PRRX1: variants seen among roughly 807,000 people sequenced by gnomAD.
PRRX1 encodes the protein paired mesoderm homeobox protein 1.
In PRRX1, 8 loss-of-function variants were observed where a neutral mutation model predicts 24.0. The observed-to-expected ratio is 0.33, with a 90% CI of 0.20 to 0.60. PRRX1 has a LOEUF of 0.60. Ranked by LOEUF, PRRX1 falls within the 20% of genes least tolerant of loss-of-function variation. PRRX1 has a pLI of 0.82. For synonymous variants in PRRX1, 160 were observed against 131.7 expected, an observed-to-expected ratio of 1.22 and a Z score of -1.47; for missense variants, 281 against 322.4, an observed-to-expected ratio of 0.87 and a Z score of 0.98.
At chr1:170,696,210 G>A (rs1211062705) in intron 1 of PRRX1, among the ~76,000 whole-genome samples, 1 of 151,458 alleles carries the variant, frequency 6.6e-6, no homozygotes, top group Non-Finnish European at 1.5e-5. Context: ...TGCTTGTCTA[G>A]GTCTATTTGT....
At chr1:170,689,893 C>CGTGT (rs770375970) in intron 1 of PRRX1, among the ~76,000 whole-genome samples, 21 of 121,268 alleles carry the variant, frequency 1.7e-4, no homozygotes, top group African/African-American at 5.8e-4. Context: ...TGTGTGTGTG[C>CGTGT]GTGTGTGTGT....
At chr1:170,703,804 C>T (rs1654473451) in intron 1 of PRRX1, among the ~76,000 whole-genome samples, 1 of 152,176 alleles carries the variant, frequency 6.6e-6, no homozygotes, top group Non-Finnish European at 1.5e-5. Flanking sequence ...GCTCTGTCTT[C>T]TAATTAATGT....
intron 3 of PRRX1, chr1:170,727,161 C>T (rs970528030): frequency 6.6e-6 from 1 of 152,014 alleles, no homozygotes; most frequent in Non-Finnish European, 1.5e-5. Context: ...ATAATTTACA[C>T]TAAACTTTTA....
At position 170,735,972 on chromosome 1, in the gene PRRX1, CCATCTGGGG is replaced by C. The variant is rs529999419; in HGVS notation, c.600-73_600-65del. On this transcript the variant is annotated intron_variant, in intron 3 of 3. Transcript: ENST00000239461. ...GCCTGCCCCCATGCTGAGAGTACAT[CCATCTGGGG>C]CACAGACTTGCAGCTTTGTGAAACT... 3.5e-5 allele frequency: 56 copies of C among 1,584,788 alleles called. No individual in the cohort carries two copies. In the East Asian group the frequency reaches 7.2e-4, roughly 20 times the overall value.
intron 1 of PRRX1, among the ~76,000 whole-genome samples, chr1:170,669,796 C>T (rs962620899): frequency 6.6e-6 from 1 of 152,080 alleles, no homozygotes; most frequent in Non-Finnish European, 1.5e-5. Flanking sequence ...GTTCCAAGGC[C>T]GAGCTCACTT....
At chr1:170,666,058 C>T (rs1012291604) in intron 1 of PRRX1, among the ~76,000 whole-genome samples, 1 of 152,228 alleles carries the variant, frequency 6.6e-6, no homozygotes, top group African/African-American at 2.4e-5. Flanking sequence ...ACTCTTAGTT[C>T]TAACAAAATG....
intron 3 of PRRX1, among the ~76,000 whole-genome samples, chr1:170,730,863 G>A (rs1486947026): frequency 6.6e-6 from 1 of 152,072 alleles, no homozygotes; most frequent in African/African-American, 2.4e-5. Context: ...GGGGTGTTTG[G>A]AACCTATCGA....
Position 170,726,413 on chromosome 1 carries a change from GC to G in PRRX1, c.599+15del, listed in dbSNP as rs751560586. The G allele has an allele frequency of 2.5e-6, 4 of 1,612,810 alleles. No homozygotes were observed. The highest frequency in any genetic ancestry group is 1.7e-6 in the Non-Finnish European group (2 of 1,178,896). ...GCGTCTCCGTACAGGTGAATGACTG[GC>G]CCACTCTCCCTTGCTCCACTTCCAC... On this transcript the variant is annotated intron_variant, in intron 3 of 3. Coordinates refer to ENST00000239461, the MANE Select transcript of PRRX1 (RefSeq NM_022716.4).
chr1:170,717,609 T>TC (rs1464928814), intron 1 of PRRX1, among the ~76,000 whole-genome samples: 53 of 139,614 alleles, frequency 3.8e-4, no homozygotes, highest in Middle Eastern at 7.4e-3. Flanking sequence ...AGGATTTTTC[T>TC]TTTTTTTTTT....
chr1:170,726,742 G>A (rs1441778599), intron 3 of PRRX1: 6 of 210,216 alleles, frequency 2.9e-5, no homozygotes, highest in Non-Finnish European at 5.7e-5. Flanking sequence ...ACTTTACCCT[G>A]TTTCCAAATT....
intron 1 of PRRX1, among the ~76,000 whole-genome samples, chr1:170,674,235 C>T (rs953701849): frequency 2.5e-4 from 38 of 150,614 alleles, no homozygotes; most frequent in East Asian, 5.8e-4. Context: ...CGCTTGCGCA[C>T]GCACGCACAC....
intron 3 of PRRX1, among the ~76,000 whole-genome samples, chr1:170,733,030 A>G (rs967273052): frequency 6.6e-6 from 1 of 152,156 alleles, no homozygotes. Flanking sequence ...CCTGTGTAAT[A>G]GATGATCTGA....
intron 3 of PRRX1, among the ~76,000 whole-genome samples, chr1:170,729,436 C>A (rs192607613): frequency 6.7e-6 from 1 of 148,940 alleles, no homozygotes; most frequent in African/African-American, 2.4e-5. Context: ...AGGAGAAAAC[C>A]AAGGCATAAA....
At chr1:170,730,495 A>T (rs1234931211) in intron 3 of PRRX1, 3 of 665,674 alleles carry the variant, frequency 4.5e-6, no homozygotes. Flanking sequence ...CCAGAGCTGC[A>T]AGAAAGCATG....
chr1:170,670,083 A>G (rs1653097375), intron 1 of PRRX1, among the ~76,000 whole-genome samples: 1 of 152,170 alleles, frequency 6.6e-6, no homozygotes, highest in African/African-American at 2.4e-5. Flanking sequence ...AATTACAGGC[A>G]ATGTTTGGAT....
At position 170,726,257 on chromosome 1, in the gene PRRX1, A is replaced by G; in HGVS notation, c.455A>G (p.Asn152Ser). 6.2e-7 allele frequency: 1 copy of G among 1,614,068 alleles called. No individual in the cohort carries two copies. The highest frequency in any genetic ancestry group is 8.5e-7 in the Non-Finnish European group (1 of 1,179,982). ...FQNRRAKFRR[N>S]ERAMLANKNA... is the part of the protein sequence containing the mutation. Reference sequence around the variant, plus strand: ...AACCGAAGAGCCAAGTTCCGCAGGAATGAGAGAGCCATGCTAGCCAATAAA... The same window carrying G: ...AACCGAAGAGCCAAGTTCCGCAGGAGTGAGAGAGCCATGCTAGCCAATAAA... The change falls in exon 3 of 4, where the codon AAT becomes AGT. Residue 152 changes from asparagine (N) to serine (S), a missense_variant. Coordinates refer to ENST00000239461, the MANE Select transcript of PRRX1 (RefSeq NM_022716.4).
Position 170,719,767 on chromosome 1 carries a change from C to A in PRRX1, c.283C>A (p.Arg95=). The change falls in exon 2 of 4, where the codon CGA becomes AGA. Residue 95 remains arginine, a synonymous_variant. Transcript: ENST00000239461. ...AGAAGAAAAAAAGAAGAGAAAGCAG[C>A]GAAGGAATAGGACAACCTTCAATAG... The part of the protein sequence containing the change: ...NSEEKKKRKQ[R]RNRTTFNSSQ... 3 of 1,614,150 alleles carry A rather than the reference C, an allele frequency of 1.9e-6. No individual in the cohort carries two copies. The highest frequency in any genetic ancestry group is 2.5e-6 in the Non-Finnish European group (3 of 1,180,032).
At chr1:170,699,359 A>G (rs1486604234) in intron 1 of PRRX1, among the ~76,000 whole-genome samples, 1 of 151,860 alleles carries the variant, frequency 6.6e-6, no homozygotes, top group East Asian at 1.9e-4. Context: ...TCAGAGGGGC[A>G]AATGTTTACT....
At chr1:170,730,229 T>C (rs1303924468) in intron 3 of PRRX1, 1 of 1,478,210 alleles carries the variant, frequency 6.8e-7, no homozygotes, top group East Asian at 2.3e-5. Context: ...GCCTGACATC[T>C]GCTGAACGCA....
Sources: allele counts gnomAD v4.1 joint callset (sites outside exome capture counted in the v4.1 genomes callset), GRCh38; gene constraint gnomAD v4.1.1; transcripts MANE v1.5; gene names NCBI Gene and HGNC (gene_info 2026-07-23, HGNC 2026-07-21).